TENT5D: variants seen among roughly 807,000 people sequenced by gnomAD.
TENT5D encodes the protein cancer/testis antigen 112.
For synonymous variants in TENT5D, 103 were observed against 100.6 expected, an observed-to-expected ratio of 1.02 and a Z score of -0.15; for missense variants, 191 against 287.0, an observed-to-expected ratio of 0.67 and a Z score of 2.42.
chrX:80,399,541 C>T (rs1224472194), intron 3 of TENT5D, among the ~76,000 whole-genome samples: 2 of 111,587 alleles, frequency 1.8e-5, no homozygotes, highest in East Asian at 5.6e-4. Context: ...GCCCGATAGA[C>T]ACAATCTGAA....
intron 3 of TENT5D, among the ~76,000 whole-genome samples, chrX:80,374,050 T>C (rs986487031): frequency 3.6e-5 from 4 of 111,364 alleles, no homozygotes; most frequent in Non-Finnish European, 7.5e-5. Context: ...TGTGTCCATT[T>C]GTTCTCATCA....
At chrX:80,424,143 G>T (rs1367079610) in intron 1 of TENT5D, among the ~76,000 whole-genome samples, 1 of 110,623 alleles carries the variant, frequency 9.0e-6, no homozygotes, top group African/African-American at 3.3e-5. Flanking sequence ...CAGCAACTAG[G>T]GTTTCTTTTG....
intron 3 of TENT5D, among the ~76,000 whole-genome samples, chrX:80,388,946 A>G (rs753104510): frequency 1.8e-5 from 2 of 111,683 alleles, no homozygotes; most frequent in South Asian, 3.8e-4. Flanking sequence ...CCATCTGGCT[A>G]GGGCTGTGTC....
At chrX:80,400,644 A>G in intron 3 of TENT5D, among the ~76,000 whole-genome samples, 1 of 112,211 alleles carries the variant, frequency 8.9e-6, no homozygotes, top group East Asian at 2.8e-4. Context: ...GGATTTCAGC[A>G]TTCAGGATTA....
At chrX:80,419,437 C>G (rs1375807078), upstream of TENT5D, among the ~76,000 whole-genome samples, 2 of 111,783 alleles carry the variant, frequency 1.8e-5, no homozygotes, top group Non-Finnish European at 3.8e-5. Context: ...TGTATTTAGT[C>G]TTTTCTATGT....
intron 3 of TENT5D, among the ~76,000 whole-genome samples, chrX:80,411,468 A>G (rs765394890): frequency 8.9e-6 from 1 of 111,783 alleles, no homozygotes; most frequent in East Asian, 2.8e-4. Context: ...ACAAAAATTT[A>G]CCGTACAAGA....
chrX:80,373,219 T>G (rs1393199808), intron 3 of TENT5D, among the ~76,000 whole-genome samples: 1 of 111,348 alleles, frequency 9.0e-6, no homozygotes, highest in Non-Finnish European at 1.9e-5. Context: ...AATTATTTTT[T>G]TCAGAATTAC....
chrX:80,382,436 C>G (rs371906485), intron 3 of TENT5D, among the ~76,000 whole-genome samples: 12 of 112,090 alleles, frequency 1.1e-4, no homozygotes, highest in Non-Finnish European at 2.1e-4. Context: ...TTAGGCTACA[C>G]GGGGGTCAGG....
chrX:80,439,680 T>C (rs1932243462), intron 2 of TENT5D, among the ~76,000 whole-genome samples: 1 of 110,922 alleles, frequency 9.0e-6, no homozygotes, highest in Non-Finnish European at 1.9e-5. Context: ...GTCAGCATTT[T>C]TGGAGGCATG....
At chrX:80,404,144 A>G (rs186030002) in intron 3 of TENT5D, among the ~76,000 whole-genome samples, 62 of 112,011 alleles carry the variant, frequency 5.5e-4, no homozygotes, top group African/African-American at 1.9e-3. Context: ...AAATAATAAC[A>G]TTTATAAAAA....
chrX:80,420,677 T>C (rs1432188868), intron 1 of TENT5D, 114 bp downstream of exon 1: 5 of 112,401 alleles, frequency 4.4e-5, no homozygotes, highest in African/African-American at 1.6e-4. Context: ...AACTAAAATA[T>C]CTTTGAAAAT....
At chrX:80,347,138 A>G (rs1420859304) in intron 3 of TENT5D, among the ~76,000 whole-genome samples, 1 of 111,570 alleles carries the variant, frequency 9.0e-6, no homozygotes, top group Non-Finnish European at 1.9e-5. Context: ...CAATAAACAT[A>G]TGTGTGCATG....
At chrX:80,366,431 A>G (rs1169883599) in intron 3 of TENT5D, among the ~76,000 whole-genome samples, 2 of 111,633 alleles carry the variant, frequency 1.8e-5, no homozygotes, top group Non-Finnish European at 3.8e-5. Context: ...CCATGCACTT[A>G]AAGTAGTAAT....
chrX:80,394,183 A>G (rs2147539794), intron 3 of TENT5D, among the ~76,000 whole-genome samples: 1 of 111,130 alleles, frequency 9.0e-6, no homozygotes, highest in South Asian at 3.8e-4. Flanking sequence ...ACGGTGTACA[A>G]GGGTTTCCTT....
At chrX:80,415,904 G>A (rs927780163), upstream of TENT5D, among the ~76,000 whole-genome samples, 1 of 111,576 alleles carries the variant, frequency 9.0e-6, no homozygotes, top group African/African-American at 3.3e-5. Context: ...ATAAAATTCA[G>A]TGTGAATCTG....
intron 1 of TENT5D, among the ~76,000 whole-genome samples, chrX:80,437,213 C>T (rs1932199554): frequency 8.9e-6 from 1 of 112,094 alleles, no homozygotes; most frequent in Non-Finnish European, 1.9e-5. Flanking sequence ...AATGACAAAA[C>T]AGTAGACATC....
intron 1 of TENT5D, among the ~76,000 whole-genome samples, chrX:80,425,839 C>A (rs1399454301): frequency 9.1e-6 from 1 of 110,365 alleles, no homozygotes; most frequent in African/African-American, 3.3e-5. Flanking sequence ...CCAGCCTGGC[C>A]AATATGGTGA....
At chrX:80,422,509 G>T (rs919231790) in intron 1 of TENT5D, among the ~76,000 whole-genome samples, 1 of 110,895 alleles carries the variant, frequency 9.0e-6, no homozygotes, top group Non-Finnish European at 1.9e-5. Flanking sequence ...TTTCTTTAAT[G>T]GCCCCTTCTC....
At position 80,414,164 on chromosome X, in the gene TENT5D, C is replaced by A. The variant is rs375966967; in HGVS notation, c.-141-24446C>A. Among the ~76,000 whole-genome samples the A allele has an allele frequency of 2.4e-4, 27 of 111,787 alleles. No individual in the cohort carries two copies. In the East Asian group the frequency reaches 5.1e-3, roughly 21 times the overall value. ...TCCATCATGAAAGCAGGAAGACTTG[C>A]CTTTGTTGTTGGCAGCAAGTAAAAC... On this transcript the variant is annotated intron_variant, in intron 3 of 4. Coordinates refer to the TENT5D transcript ENST00000538312.
Sources: allele counts gnomAD v4.1 joint callset (sites outside exome capture counted in the v4.1 genomes callset), GRCh38; gene constraint gnomAD v4.1.1; transcripts MANE v1.5; gene names NCBI Gene and HGNC (gene_info 2026-07-23, HGNC 2026-07-21).